RAB3GAP1: variants seen among roughly 807,000 people sequenced by gnomAD.
RAB3GAP1 encodes rab3 GTPase-activating protein catalytic subunit.
In RAB3GAP1, 86 loss-of-function variants were observed where a neutral mutation model predicts 130.7. The observed-to-expected ratio is 0.66, with a 90% CI of 0.55 to 0.79. The LOEUF (loss-of-function observed/expected upper bound fraction) is 0.79. RAB3GAP1 is among the 30% of genes least tolerant of loss of function. RAB3GAP1 has a pLI of 0.00. For missense variants in RAB3GAP1, 1,029 were observed against 1,169.4 expected (o/e 0.88, Z 1.75); for synonymous variants, 367 against 401.7 (o/e 0.91, Z 1.03).
Position 135,115,339 on chromosome 2 carries a change from C to T in RAB3GAP1, c.606C>T (p.Tyr202=), listed in dbSNP as rs145762340. The T allele has an allele frequency of 1.7e-4, 267 of 1,613,688 alleles. No individual in the cohort carries two copies. The highest frequency in any genetic ancestry group is 2.2e-4 in the Non-Finnish European group (261 of 1,179,766). Residue 202 remains tyrosine (Y), a synonymous_variant, in exon 7 of 24, where the codon TAC becomes TAT. Transcript: ENST00000264158. The part of the protein sequence containing the change: ...MVHLRKVPNQ[Y]THLSGLLDIF... The stretch of plus-strand genomic sequence containing the variant: ...ATCTTAGAAAAGTGCCAAATCAGTA[C>T]ACTCACTTATCAGGTCTGCTGGATA...
At chr2:135,079,232 C>G (rs953886309) in intron 3 of RAB3GAP1, among the ~76,000 whole-genome samples, 1 of 152,128 alleles carries the variant, frequency 6.6e-6, no homozygotes, top group Non-Finnish European at 1.5e-5. Flanking sequence ...GTGATCCTCC[C>G]ATCTTGGCCT....
chr2:135,130,929 G>T (rs1368622589), intron 13 of RAB3GAP1, among the ~76,000 whole-genome samples: 1 of 152,108 alleles, frequency 6.6e-6, no homozygotes, highest in Non-Finnish European at 1.5e-5. Flanking sequence ...TCTGGCAAGG[G>T]GGCTGTGAGA....
At chr2:135,137,699 A>G (rs1246512856) in intron 17 of RAB3GAP1, among the ~76,000 whole-genome samples, 1 of 152,254 alleles carries the variant, frequency 6.6e-6, no homozygotes, top group Non-Finnish European at 1.5e-5. Context: ...ATATCCTTCA[A>G]TTATATGATT....
At chr2:135,094,523 C>T (rs1000070052) in intron 5 of RAB3GAP1, among the ~76,000 whole-genome samples, 4 of 152,136 alleles carry the variant, frequency 2.6e-5, no homozygotes, top group African/African-American at 4.8e-5. Context: ...CATTAACCAT[C>T]CCCTCTTTAT....
chr2:135,064,672 G>T (rs2104831652), intron 3 of RAB3GAP1, among the ~76,000 whole-genome samples: 1 of 147,188 alleles, frequency 6.8e-6, no homozygotes, highest in South Asian at 2.2e-4. Flanking sequence ...TCTTTTTGGG[G>T]TTGGTTTCTG....
At position 135,129,978 on chromosome 2, in the gene RAB3GAP1, C is replaced by CT. The variant is rs754110087; in HGVS notation, c.974-10dup. ...TTTTTCAGTTAAGTGTCAAAAATAA[C>CT]TTTTTTTCCTACATAGGTGATTTTG... On this transcript the variant is annotated splice_polypyrimidine_tract_variant and intron_variant, in intron 11 of 23. Coordinates refer to ENST00000264158, the MANE Select transcript of RAB3GAP1 (RefSeq NM_012233.3). 4 of 1,513,172 alleles carry CT rather than the reference C, an allele frequency of 2.6e-6. No individual in the cohort carries two copies. The highest frequency in any genetic ancestry group is 2.3e-5 in the East Asian group (1 of 43,528). 93.7% of individuals were successfully genotyped at this position (1,513,172 alleles called of 1,614,324 possible).
chr2:135,089,975 A>G (rs914696540), intron 3 of RAB3GAP1: 1 of 216,078 alleles, frequency 4.6e-6, no homozygotes, highest in Non-Finnish European at 9.9e-6. Flanking sequence ...ATTAGGAGAA[A>G]TACCTAATGT....
intron 5 of RAB3GAP1, among the ~76,000 whole-genome samples, chr2:135,106,194 C>G (rs1466942853): frequency 6.6e-6 from 1 of 151,498 alleles, no homozygotes; most frequent in Non-Finnish European, 1.5e-5. Flanking sequence ...GTGCCTCTGC[C>G]CGGCGGCCCC....
At chr2:135,053,173 C>T (rs942525622) in intron 2 of RAB3GAP1, among the ~76,000 whole-genome samples, 2 of 152,184 alleles carry the variant, frequency 1.3e-5, no homozygotes, top group African/African-American at 2.4e-5. Context: ...TTAAAGATCT[C>T]GCTGTGTTGC....
intron 3 of RAB3GAP1, among the ~76,000 whole-genome samples, chr2:135,087,111 A>G (rs949406477): frequency 6.6e-6 from 1 of 152,224 alleles, no homozygotes; most frequent in Non-Finnish European, 1.5e-5. Context: ...CAAGATCCCA[A>G]GATATTCTCA....
chr2:135,065,303 C>G (rs1296426167), intron 3 of RAB3GAP1, among the ~76,000 whole-genome samples: 1 of 152,190 alleles, frequency 6.6e-6, no homozygotes, highest in East Asian at 1.9e-4. Context: ...TTGTCTGTCT[C>G]TGAGAACTTT....
chr2:135,085,784 T>C (rs753227159), intron 3 of RAB3GAP1, among the ~76,000 whole-genome samples: 50 of 152,216 alleles, frequency 3.3e-4, no homozygotes, highest in Non-Finnish European at 6.0e-4. Context: ...GAATTTTTTA[T>C]TTGTTGGGTT....
chr2:135,131,250 G>A (rs1008405975), intron 13 of RAB3GAP1, among the ~76,000 whole-genome samples: 6 of 151,784 alleles, frequency 4.0e-5, no homozygotes, highest in Non-Finnish European at 5.9e-5. Flanking sequence ...TTTTTGAGAC[G>A]AAGTCTCGCT....
intron 5 of RAB3GAP1, among the ~76,000 whole-genome samples, chr2:135,102,101 CA>C (rs1428904897): frequency 6.6e-6 from 1 of 152,128 alleles, no homozygotes; most frequent in Non-Finnish European, 1.5e-5. Context: ...CATTGCTTAG[CA>C]ATAGACTTTA....
intron 13 of RAB3GAP1, among the ~76,000 whole-genome samples, chr2:135,132,692 T>G (rs1691582271): frequency 6.6e-6 from 1 of 152,174 alleles, no homozygotes; most frequent in Non-Finnish European, 1.5e-5. Flanking sequence ...TAAAATTGGC[T>G]AGTCACTGAA....
chr2:135,162,524 T>C (rs373894352), intron 19 of RAB3GAP1, 31 bp from the exon 20 acceptor site: 14 of 1,556,360 alleles, frequency 9.0e-6, no homozygotes, highest in Non-Finnish European at 1.2e-5. Flanking sequence ...ACACCTGCGC[T>C]GATCATTTGT....
intron 17 of RAB3GAP1, among the ~76,000 whole-genome samples, chr2:135,143,060 T>G (rs1306755779): frequency 2.6e-5 from 4 of 152,050 alleles, no homozygotes; most frequent in Non-Finnish European, 5.9e-5. Flanking sequence ...CCACTCAGAA[T>G]CTGAAGTTTT....
At chr2:135,144,674 C>A (rs996053869) in intron 17 of RAB3GAP1, among the ~76,000 whole-genome samples, 1 of 152,242 alleles carries the variant, frequency 6.6e-6, no homozygotes, top group African/African-American at 2.4e-5. Flanking sequence ...TGACTTTTTG[C>A]TGCCACTGTC....
intron 22 of RAB3GAP1, 99 bp from the exon 23 acceptor site, chr2:135,164,495 G>A: frequency 1.1e-6 from 1 of 872,290 alleles, no homozygotes; most frequent in East Asian, 2.5e-5. Flanking sequence ...GCCAGTATCA[G>A]CTTGAGGATT....
Sources: gnomAD v4.1 joint callset for allele counts (sites outside exome capture counted in the v4.1 genomes callset) on GRCh38, gnomAD v4.1.1 for gene constraint, MANE v1.5 for transcripts, NCBI Gene and HGNC (gene_info 2026-07-23, HGNC 2026-07-21) for gene names.